Variants in CNOT10 observed in about 807,000 individuals in gnomAD.
The protein encoded by CNOT10 is CCR4-NOT transcription complex, subunit 10.
Under a neutral mutation model 94.6 loss-of-function variants are expected in CNOT10, and 30 were observed. That is an observed-to-expected ratio of 0.32 (90% CI 0.24 to 0.43). CNOT10 has a LOEUF of 0.43. CNOT10 is among the 20% of genes least tolerant of loss of function. The probability of loss-of-function intolerance (pLI) is 1.00; values close to 1 mark genes in which losing one functional copy is unlikely to be tolerated. For synonymous variants in CNOT10, 289 were observed against 301.6 expected (o/e 0.96, Z 0.43); for missense variants, 759 against 877.2 (o/e 0.87, Z 1.70).
intron 13 of CNOT10, among the ~76,000 whole-genome samples, chr3:32,740,600 T>C (rs377696972): frequency 2.6e-5 from 4 of 151,946 alleles, no homozygotes; most frequent in Non-Finnish European, 5.9e-5. Flanking sequence ...CGGTGGCTCA[T>C]GCCTGCAATC....
chr3:32,772,039 G>A (rs1406724358), intron 18 of CNOT10, among the ~76,000 whole-genome samples: 1 of 152,166 alleles, frequency 6.6e-6, no homozygotes, highest in Non-Finnish European at 1.5e-5. Flanking sequence ...AAAGAGACAT[G>A]AATGAGAGAG....
chr3:32,737,728 C>A (rs1699252705), intron 13 of CNOT10, among the ~76,000 whole-genome samples: 1 of 151,898 alleles, frequency 6.6e-6, no homozygotes, highest in African/African-American at 2.4e-5. Context: ...GAGGCTGAGG[C>A]AGGAGAATTG....
rs117983528 is a variant in CNOT10 at position 32,732,350 on chromosome 3, G to A, written c.1216-1073G>A. 3.2e-4 allele frequency among the ~76,000 whole-genome samples: 49 copies of A among 151,652 alleles called. No homozygotes were observed. In the East Asian group the frequency reaches 8.3e-3, roughly 26 times the overall value. ...GGTTGCAGTGAGCCGAGACAACACC[G>A]CTGCACCCAAGCCTAAAGAAAAATT... On this transcript the variant is annotated intron_variant, in intron 10 of 18. Coordinates refer to ENST00000328834, the MANE Select transcript of CNOT10 (RefSeq NM_015442.3).
At chr3:32,744,709 TA>T (rs1159913118) in intron 13 of CNOT10, among the ~76,000 whole-genome samples, 2 of 152,098 alleles carry the variant, frequency 1.3e-5, no homozygotes, top group Non-Finnish European at 2.9e-5. Flanking sequence ...GATACTAATA[TA>T]ATGGATCAAG....
chr3:32,687,152 A>G (rs143839862), intron 1 of CNOT10, among the ~76,000 whole-genome samples: 2 of 152,080 alleles, frequency 1.3e-5, no homozygotes, highest in East Asian at 3.9e-4. Flanking sequence ...GCTCCTTTGA[A>G]TCTCTGCTCA....
At chr3:32,721,663 T>C (rs80251598) in intron 8 of CNOT10, among the ~76,000 whole-genome samples, 1 of 150,374 alleles carries the variant, frequency 6.7e-6, no homozygotes, top group Middle Eastern at 3.4e-3. Flanking sequence ...TTTTTTTTTT[T>C]TGAGCCAGTG....
intron 3 of CNOT10, among the ~76,000 whole-genome samples, chr3:32,706,891 A>G (rs1293791703): frequency 2.0e-5 from 3 of 152,248 alleles, no homozygotes; most frequent in African/African-American, 4.8e-5. Flanking sequence ...TTGGTCAGCT[A>G]GGACCACTTG....
At chr3:32,729,576 G>A (rs1698841329) in intron 10 of CNOT10, among the ~76,000 whole-genome samples, 1 of 152,088 alleles carries the variant, frequency 6.6e-6, no homozygotes, top group Non-Finnish European at 1.5e-5. Flanking sequence ...TTAAAGAAGT[G>A]TGTTTGCTAG....
At chr3:32,754,487 AAAATAC>A (rs1700122417) in intron 13 of CNOT10, among the ~76,000 whole-genome samples, 10 of 62,720 alleles carry the variant, frequency 1.6e-4, no homozygotes, top group African/African-American at 2.9e-4. Flanking sequence ...AAAAAAAAAA[AAAATAC>A]ATATATATAT....
At chr3:32,723,261 C>T (rs1324922545) in intron 8 of CNOT10, among the ~76,000 whole-genome samples, 2 of 151,808 alleles carry the variant, frequency 1.3e-5, no homozygotes, top group Non-Finnish European at 2.9e-5. Flanking sequence ...GGTGTGGTGG[C>T]GGGCGCCTGT....
chr3:32,695,440 T>G, intron 1 of CNOT10: 1 of 781,124 alleles, frequency 1.3e-6, no homozygotes, highest in Non-Finnish European at 1.9e-6. Context: ...TTTCTTTTCT[T>G]GATATATCAG....
chr3:32,716,540 G>T (rs1698129237), intron 6 of CNOT10, among the ~76,000 whole-genome samples: 1 of 152,112 alleles, frequency 6.6e-6, no homozygotes. Context: ...GAGAGAAATG[G>T]CACGGGAATG....
chr3:32,704,020 T>A, intron 2 of CNOT10, 58 bp downstream of exon 2: 1 of 1,018,298 alleles, frequency 9.8e-7, no homozygotes, highest in Non-Finnish European at 1.5e-6. Context: ...AGTATGAATC[T>A]TTTCATAGTG....
intron 1 of CNOT10, among the ~76,000 whole-genome samples, chr3:32,703,169 C>T (rs1464959389): frequency 1.3e-5 from 2 of 151,326 alleles, no homozygotes; most frequent in East Asian, 3.9e-4. Flanking sequence ...TGTGATGTGC[C>T]CGCCTTGGCC....
chr3:32,707,312 G>A (rs1697666849), intron 3 of CNOT10, among the ~76,000 whole-genome samples: 1 of 151,318 alleles, frequency 6.6e-6, no homozygotes, highest in African/African-American at 2.4e-5. Flanking sequence ...ACAGATGTTA[G>A]CCTTTAGTGA....
intron 13 of CNOT10, among the ~76,000 whole-genome samples, chr3:32,749,342 G>A (rs1699854902): frequency 1.3e-5 from 2 of 150,550 alleles, no homozygotes; most frequent in Non-Finnish European, 2.9e-5. Context: ...GATTTACCAT[G>A]TCTTCCTATA....
chr3:32,743,406 A>C (rs534626703), intron 13 of CNOT10, among the ~76,000 whole-genome samples: 1 of 152,066 alleles, frequency 6.6e-6, no homozygotes, highest in Non-Finnish European at 1.5e-5. Flanking sequence ...AAGGCAGGCA[A>C]ATCGCCTGAG....
intron 18 of CNOT10, among the ~76,000 whole-genome samples, chr3:32,770,317 ATTTTTTTTTTTT>A (rs57427218): frequency 2.2e-5 from 1 of 46,280 alleles, no homozygotes; most frequent in Non-Finnish European, 4.0e-5. Flanking sequence ...CAAGGCTGAG[ATTTTTTTTTTTT>A]TTTTTTTTTT....
intron 13 of CNOT10, among the ~76,000 whole-genome samples, chr3:32,744,154 G>A (rs1699596492): frequency 6.6e-6 from 1 of 152,172 alleles, no homozygotes; most frequent in African/African-American, 2.4e-5. Context: ...GTGTTAAAGG[G>A]CAATTCTGTG....
Sources: gnomAD v4.1 joint callset for allele counts (sites outside exome capture counted in the v4.1 genomes callset) on GRCh38, gnomAD v4.1.1 for gene constraint, MANE v1.5 for transcripts, NCBI Gene and HGNC (gene_info 2026-07-23, HGNC 2026-07-21) for gene names.